TSTD2: variants seen among roughly 807,000 people sequenced by gnomAD.
TSTD2 encodes thiosulfate sulfurtransferase like domain containing 2, also known as thiosulfate sulfurtransferase/rhodanese-like domain-containing protein 2.
Under a neutral mutation model 47.9 loss-of-function variants are expected in TSTD2, and 37 were observed. The observed-to-expected ratio is 0.77, with a 90% CI of 0.59 to 1.02. The LOEUF is 1.02. Among genes scored for constraint, TSTD2 ranks in the 50% least tolerant of loss-of-function variants. The pLI is 0.00. For missense variants in TSTD2, 586 were observed against 616.0 expected (o/e 0.95, Z 0.52); for synonymous variants, 201 against 215.9 (o/e 0.93, Z 0.61).
rs777094445 is a variant in TSTD2, at chr9:97,625,901, C to T, written c.262G>A (p.Asp88Asn). Residue 88 changes from aspartate (D) to asparagine (N), a missense_variant, in exon 3 of 10, where the codon GAC becomes AAC. Physicochemically the swap from Asp to Asn is conservative, Grantham distance 23. Transcript: ENST00000341170. ...LWKCCRQLFTDQTSIHRHVAT... is the reference protein window; with the variant it reads ...LWKCCRQLFTNQTSIHRHVAT... ...ACATGTCTATGGATGCTGGTTTGGT[C>T]TGTGAATAGCTGCCGACAGCATTTC... 1.1e-5 allele frequency: 18 copies of T among 1,614,046 alleles called. No homozygotes were observed. In the Admixed American group the frequency reaches 2.2e-4, roughly 19 times the overall value.
rs1230062642 is a variant in TSTD2, at chr9:97,600,985, A to T, written c.*1484T>A. On this transcript the variant is annotated 3_prime_UTR_variant, in exon 10 of 10. Transcript: ENST00000341170. Reference sequence around the variant, plus strand: ...TCTCATGATAAAGGACAAGGTCAAGAACTCCAGAGCACTGAGCAGAGAGGC... The same window carrying T: ...TCTCATGATAAAGGACAAGGTCAAGTACTCCAGAGCACTGAGCAGAGAGGC... 1 of 1,212,896 alleles carries T rather than the reference A, an allele frequency of 8.2e-7. No homozygotes were observed. Among genetic ancestry groups the T allele is most frequent in the African/African-American group, 1.6e-5 (1 of 62,440 alleles). The allele number at this position is 1,212,896 out of a possible 1,614,324, so 75.1% of individuals were successfully genotyped here. A position where few individuals can be genotyped will look rare whatever the true frequency, so the allele number is the denominator to read the frequency against.
At chr9:97,629,279 G>A (rs1346404917) in intron 1 of TSTD2, among the ~76,000 whole-genome samples, 2 of 152,190 alleles carry the variant, frequency 1.3e-5, no homozygotes, top group Non-Finnish European at 2.9e-5. Context: ...AACACACACT[G>A]CTTGTTAACA....
At chr9:97,621,346 C>G (rs1317917647) in intron 3 of TSTD2, among the ~76,000 whole-genome samples, 1 of 151,696 alleles carries the variant, frequency 6.6e-6, no homozygotes, top group African/African-American at 2.4e-5. Flanking sequence ...GTTAATTGCA[C>G]AAACTGTTTG....
rs200920800 is a variant in TSTD2 at position 97,614,367 on chromosome 9, G to A, written c.604-2668C>T. On this transcript the variant is annotated intron_variant, in intron 4 of 9. Transcript: ENST00000341170. Reference sequence around the variant, plus strand: ...TACACAACCTTCCATGTTTATACATGCACTTCTGGTTTTGTCATGAACATG... The same window carrying A: ...TACACAACCTTCCATGTTTATACATACACTTCTGGTTTTGTCATGAACATG... 6.7e-5 allele frequency among the ~76,000 whole-genome samples: 10 copies of A among 148,302 alleles called. 1 individual carries two copies. In the East Asian group the frequency reaches 1.9e-3, roughly 29 times the overall value.
chr9:97,612,883 T>A (rs1275111272), intron 4 of TSTD2, among the ~76,000 whole-genome samples: 2 of 152,248 alleles, frequency 1.3e-5, no homozygotes, highest in African/African-American at 4.8e-5. Flanking sequence ...TAAAATGGCA[T>A]AGCCTTCAGT....
chr9:97,623,373 A>C (rs1490291241), intron 3 of TSTD2, among the ~76,000 whole-genome samples: 1 of 152,208 alleles, frequency 6.6e-6, no homozygotes, highest in East Asian at 1.9e-4. Flanking sequence ...TTTCTTTTGT[A>C]AATTGCCCAG....
chr9:97,622,068 C>T (rs1166710418), intron 3 of TSTD2, among the ~76,000 whole-genome samples: 2 of 151,918 alleles, frequency 1.3e-5, no homozygotes, highest in African/African-American at 2.4e-5. Flanking sequence ...CCGGCCAACA[C>T]TTAGAGAAAA....
intron 1 of TSTD2, among the ~76,000 whole-genome samples, chr9:97,629,927 T>G (rs548357287): frequency 6.6e-6 from 1 of 152,314 alleles, no homozygotes; most frequent in East Asian, 1.9e-4. Context: ...CCAATCTCCC[T>G]CTATATGACC....
At chr9:97,608,061 T>C (rs964269320) in intron 6 of TSTD2, among the ~76,000 whole-genome samples, 2 of 151,948 alleles carry the variant, frequency 1.3e-5, no homozygotes, top group South Asian at 2.1e-4. Context: ...CGCATGCCTG[T>C]AGTCCCAGCT....
chr9:97,627,286 T>C (rs915015900), intron 2 of TSTD2, 112 bp downstream of exon 2: 24 of 1,445,138 alleles, frequency 1.7e-5, no homozygotes, highest in Non-Finnish European at 2.2e-5. Context: ...CACTGGTTAA[T>C]GTTCCTGACT....
rs577010897 is a variant in TSTD2 at position 97,601,174 on chromosome 9, G to A, written c.*1295C>T. The stretch of plus-strand genomic sequence containing the variant: ...TTGCAGGGACAACCATCCCCATTTG[G>A]CTTCTCCTTAAAACACAATTGCAGC... On this transcript the variant is annotated 3_prime_UTR_variant, in exon 10 of 10. Coordinates refer to ENST00000341170, the MANE Select transcript of TSTD2 (RefSeq NM_139246.5). 7.7e-7 allele frequency: 1 copy of A among 1,299,902 alleles called. No homozygotes were observed. The highest frequency in any genetic ancestry group is 5.6e-5 in the East Asian group (1 of 17,978). 80.5% of individuals were successfully genotyped at this position (1,299,902 alleles called of 1,614,324 possible).
At position 97,602,402 on chromosome 9, in the gene TSTD2, G is replaced by A. The variant is rs1826276382; in HGVS notation, c.*67C>T. On this transcript the variant is annotated 3_prime_UTR_variant, in exon 10 of 10. Transcript: ENST00000341170. ...TTCTCTGTTTCTGCAGTCTTGCCAT[G>A]CTTTCTCTGTATAGTCACCCCAAAC... 2 of 1,484,130 alleles carry A rather than the reference G, an allele frequency of 1.3e-6. No individual in the cohort carries two copies. The highest frequency in any genetic ancestry group is 2.4e-5 in the Admixed American group (1 of 41,040). The allele number at this position is 1,484,130 out of a possible 1,614,324, so 91.9% of individuals were successfully genotyped here. A position where few individuals can be genotyped will look rare whatever the true frequency, so the allele number is the denominator to read the frequency against.
At chr9:97,617,237 T>G (rs1021481747) in intron 4 of TSTD2, among the ~76,000 whole-genome samples, 1 of 152,104 alleles carries the variant, frequency 6.6e-6, no homozygotes, top group African/African-American at 2.4e-5. Flanking sequence ...AAGAGCACTC[T>G]AGAGAGGAAG....
At chr9:97,621,392 C>A (rs1826632640) in intron 3 of TSTD2, among the ~76,000 whole-genome samples, 1 of 152,128 alleles carries the variant, frequency 6.6e-6, no homozygotes, top group South Asian at 2.1e-4. Flanking sequence ...GAAATCTGGG[C>A]ACCCTGAAAA....
chr9:97,613,160 G>C (rs896506413), intron 4 of TSTD2, among the ~76,000 whole-genome samples: 1 of 152,146 alleles, frequency 6.6e-6, no homozygotes, highest in African/African-American at 2.4e-5. Flanking sequence ...AATAAAAAGG[G>C]AACTAAAGAG....
intron 2 of TSTD2, among the ~76,000 whole-genome samples, chr9:97,626,294 TA>T (rs1157179279): frequency 6.6e-6 from 1 of 152,174 alleles, no homozygotes; most frequent in East Asian, 1.9e-4. Context: ...CAGTTTGGCC[TA>T]AAATATCACA....
At chr9:97,604,987 CAG>C (rs1378173222) in intron 8 of TSTD2, 122 bp from the exon 9 acceptor site, 10 of 1,468,608 alleles carry the variant, frequency 6.8e-6, no homozygotes, top group Non-Finnish European at 8.1e-6. Context: ...TGCTATCAGT[CAG>C]GGGCTCCTGG....
intron 3 of TSTD2, among the ~76,000 whole-genome samples, chr9:97,619,256 A>G (rs898297921): frequency 6.6e-6 from 1 of 152,210 alleles, no homozygotes; most frequent in Non-Finnish European, 1.5e-5. Flanking sequence ...AATAAGTAAA[A>G]GGGAATGTGG....
chr9:97,624,334 A>C (rs562449728), intron 3 of TSTD2, among the ~76,000 whole-genome samples: 3 of 152,038 alleles, frequency 2.0e-5, no homozygotes, highest in Non-Finnish European at 2.9e-5. Context: ...AGAGACCCCC[A>C]CAGAGAGGAA....
Sources: gnomAD v4.1 joint callset for allele counts (sites outside exome capture counted in the v4.1 genomes callset) on GRCh38, gnomAD v4.1.1 for gene constraint, MANE v1.5 for transcripts, NCBI Gene and HGNC (gene_info 2026-07-23, HGNC 2026-07-21) for gene names.